Variants in CELSR1 observed in about 807,000 individuals in gnomAD.
CELSR1 encodes the protein cadherin EGF LAG seven-pass G-type receptor 1, also known as adhesion G protein-coupled receptor C1.
In CELSR1, 110 loss-of-function variants were observed where a neutral mutation model predicts 249.1. That is an observed-to-expected ratio of 0.44 (90% CI 0.38 to 0.52). The LOEUF (loss-of-function observed/expected upper bound fraction) is 0.52. CELSR1 is among the 20% of genes least tolerant of loss of function. The pLI is 0.00. For synonymous variants in CELSR1, 2,113 were observed against 1,900.0 expected, an observed-to-expected ratio of 1.11 and a Z score of -2.92; for missense variants, 4,109 against 4,296.4, an observed-to-expected ratio of 0.96 and a Z score of 1.22.
chr22:46,377,927 G>GCC (rs577266653), intron 23 of CELSR1, among the ~76,000 whole-genome samples: 2 of 152,224 alleles, frequency 1.3e-5, no homozygotes, highest in Non-Finnish European at 2.9e-5. Flanking sequence ...CCGGGGAGGG[G>GCC]CCGGGGGAGG....
intron 5 of CELSR1, among the ~76,000 whole-genome samples, chr22:46,426,995 T>C (rs1307656639): frequency 6.6e-6 from 1 of 152,194 alleles, no homozygotes; most frequent in African/African-American, 2.4e-5. Context: ...GATGTGAATG[T>C]GCAGAGCAGA....
In CELSR1 at chr22:46,537,018, C is replaced by T. The variant is rs1217086613; in HGVS notation, c.153G>A (p.Ala51=). 4.6e-5 allele frequency: 51 copies of T among 1,105,794 alleles called. No homozygotes were observed. Among genetic ancestry groups the T allele is most frequent in the Non-Finnish European group, 5.4e-5 (49 of 908,640 alleles). The allele number at this position is 1,105,794 out of a possible 1,614,324, so 68.5% of individuals were successfully genotyped here. The change falls in exon 1 of 35, where the codon GCG becomes GCA. Residue 51 remains alanine (A), a synonymous_variant. Transcript: ENST00000674500. The surrounding 1 kb of genome is among the most constrained non-coding windows in gnomAD (Gnocchi z 5.8). ...CCCGGGGCGTGCAAGCGGCGCCCAC[C>T]GCGTAGGTACAGCCGGGCCGGAGGG... ...AFALRPGCTY[A]VGAACTPRAP... is the part of the protein sequence containing the mutation.
In CELSR1 at chr22:46,410,216, G is replaced by A. The variant is rs1032271757; in HGVS notation, c.4933+182C>T. 1.3e-5 allele frequency among the ~76,000 whole-genome samples: 2 copies of A among 152,230 alleles called. No individual in the cohort carries two copies. The highest frequency in any genetic ancestry group is 4.8e-5 in the African/African-American group (2 of 41,464). ...CCCAAACTGCAGATGCAGGAACTGC[G>A]GAGATGCACATCTCCAGCCTGGACT... On this transcript the variant is annotated intron_variant, in intron 7 of 34. Transcript: ENST00000674500. The surrounding 1 kb of genome is among the most constrained non-coding windows in gnomAD (Gnocchi z 6.8).
chr22:46,491,547 G>A (rs1196430776), intron 1 of CELSR1, among the ~76,000 whole-genome samples: 1 of 151,646 alleles, frequency 6.6e-6, no homozygotes, highest in Non-Finnish European at 1.5e-5. Context: ...ACAGGTGTGA[G>A]CCACCACGCC....
chr22:46,481,784 C>CT (rs112110956), intron 1 of CELSR1: 11,907 of 278,010 alleles, frequency 0.043, 35 homozygotes, highest in South Asian at 0.055. Flanking sequence ...TTTTCTAAAT[C>CT]TTTTTTTTTT....
chr22:46,526,486 T>C lies in CELSR1; in HGVS notation c.3544+7141A>G, dbSNP rs143257038. 9.2e-5 allele frequency among the ~76,000 whole-genome samples: 14 copies of C among 152,290 alleles called. No homozygotes were observed. Among genetic ancestry groups the C allele is most frequent in the Non-Finnish European group, 1.9e-4 (13 of 68,028 alleles). ...CACTCATGCCAGCAACCTTGTCATT[T>C]GCTTCTCAGAGGCACCCCCAAACCA... On this transcript the variant is annotated intron_variant, in intron 1 of 34. Transcript: ENST00000674500. This position sits in a 1 kb window ranked among gnomAD's most constrained non-coding sequence, Gnocchi z 4.7.
rs996478970 is a variant in CELSR1 at position 46,471,052 on chromosome 22, G to A, written c.3545-6707C>T. Among the ~76,000 whole-genome samples the A allele has an allele frequency of 2.0e-5, 3 of 152,038 alleles. No homozygotes were observed. Among genetic ancestry groups the A allele is most frequent in the Non-Finnish European group, 4.4e-5 (3 of 68,018 alleles). The stretch of plus-strand genomic sequence containing the variant: ...AGGCAGGAGAATCGCTTGAACCTGG[G>A]AGTCGGAGGTTGCAGTGAGCCAAGA... On this transcript the variant is annotated intron_variant, in intron 1 of 34. Coordinates refer to ENST00000674500, the MANE Select transcript of CELSR1 (RefSeq NM_001378328.1). This position sits in a 1 kb window ranked among gnomAD's most constrained non-coding sequence, Gnocchi z 4.9.
intron 1 of CELSR1, among the ~76,000 whole-genome samples, chr22:46,491,633 CTCTCTT>C (rs2080368116): frequency 1.9e-5 from 1 of 53,854 alleles, no homozygotes. Flanking sequence ...TATTCTCTCT[CTCTCTT>C]TTTTTTTTTT....
Position 46,369,259 on chromosome 22 carries a change from C to G in CELSR1, c.7873-1G>C. ...ATAGGACAGAAGTGACTGTGTTGAT[C>G]TGAAAACAAAACAAGCCGATCAATG... is the stretch of plus-strand genomic sequence containing the variant. On this transcript the variant is annotated splice_acceptor_variant, in intron 26 of 34. Coordinates refer to ENST00000674500, the MANE Select transcript of CELSR1 (RefSeq NM_001378328.1). LOFTEE classifies it high-confidence loss of function. 6.3e-7 allele frequency: 1 copy of G among 1,578,570 alleles called. No individual in the cohort carries two copies. Among genetic ancestry groups the G allele is most frequent in the Non-Finnish European group, 8.6e-7 (1 of 1,163,950 alleles).
rs1370877410 is a variant in CELSR1, at chr22:46,490,556, A to C, written c.3545-26211T>G. Among the ~76,000 whole-genome samples the C allele has an allele frequency of 6.6e-6, 1 of 151,996 alleles. No homozygotes were observed. The highest frequency in any genetic ancestry group is 1.5e-5 in the Non-Finnish European group (1 of 68,004). On this transcript the variant is annotated intron_variant, in intron 1 of 34. Coordinates refer to ENST00000674500, the MANE Select transcript of CELSR1 (RefSeq NM_001378328.1). The surrounding 1 kb of genome is among the most constrained non-coding windows in gnomAD (Gnocchi z 5.2). ...CCCCCCTCCGCCTCCCAAAATGTTGAGATCAGCCAACCGAAACCCACTTTT... is the reference window on the plus strand; with the variant it reads ...CCCCCCTCCGCCTCCCAAAATGTTGCGATCAGCCAACCGAAACCCACTTTT...
chr22:46,459,100 G>A (rs571892990), intron 2 of CELSR1, among the ~76,000 whole-genome samples: 72 of 152,268 alleles, frequency 4.7e-4, no homozygotes, highest in African/African-American at 1.7e-3. Context: ...GTGTTGGCCA[G>A]GATGGTCTCA....
intron 1 of CELSR1, among the ~76,000 whole-genome samples, chr22:46,466,921 C>T (rs1358793414): frequency 6.6e-6 from 1 of 152,150 alleles, no homozygotes; most frequent in African/African-American, 2.4e-5. Context: ...GAGCTCTCCT[C>T]TCCTCCGCAT....
At position 46,445,775 on chromosome 22, in the gene CELSR1, G is replaced by A. The variant is rs377039776; in HGVS notation, c.4184-6364C>T. Among the ~76,000 whole-genome samples, 4 of 152,244 alleles carry A rather than the reference G, an allele frequency of 2.6e-5. No individual in the cohort carries two copies. The highest frequency in any genetic ancestry group is 2.1e-4 in the South Asian group (1 of 4,804). On this transcript the variant is annotated intron_variant, in intron 2 of 34. Coordinates refer to ENST00000674500, the MANE Select transcript of CELSR1 (RefSeq NM_001378328.1). This position sits in a 1 kb window ranked among gnomAD's most constrained non-coding sequence, Gnocchi z 4.4. ...CCTGGCTGGCAGAGCCTTTCCCGTC[G>A]ATGCTTCGGAGGTGGAAGCGTCCAG... is the stretch of plus-strand genomic sequence containing the variant.
intron 2 of CELSR1, among the ~76,000 whole-genome samples, chr22:46,456,174 G>A (rs2147541877): frequency 6.6e-6 from 1 of 152,382 alleles, no homozygotes; most frequent in Non-Finnish European, 1.5e-5. Flanking sequence ...TGGAAGTGAA[G>A]CTTTAATCCT....
chr22:46,458,709 T>TC (rs1389961567), intron 2 of CELSR1, among the ~76,000 whole-genome samples: 1 of 152,006 alleles, frequency 6.6e-6, no homozygotes, highest in Non-Finnish European at 1.5e-5. Context: ...TCACAAGAGA[T>TC]CCCCAAGTCG....
In CELSR1 at chr22:46,429,522, C is replaced by T. The variant is rs891811774; in HGVS notation, c.4611+3871G>A. ...CTTTGAAAAGACCGTCCTGGAAAAA[C>T]GTCCGACTCCAATGTACCCTTTGGT... is the stretch of plus-strand genomic sequence containing the variant. On this transcript the variant is annotated intron_variant, in intron 5 of 34. Coordinates refer to ENST00000674500, the MANE Select transcript of CELSR1 (RefSeq NM_001378328.1). The surrounding 1 kb of genome is among the most constrained non-coding windows in gnomAD (Gnocchi z 4.1). Among the ~76,000 whole-genome samples the T allele has an allele frequency of 6.6e-6, 1 of 152,240 alleles. No homozygotes were observed. The highest frequency in any genetic ancestry group is 2.4e-5 in the African/African-American group (1 of 41,466).
chr22:46,536,111 C>A lies in CELSR1; in HGVS notation c.1060G>T (p.Glu354Ter). 6.2e-7 allele frequency: 1 copy of A among 1,612,460 alleles called. No homozygotes were observed. The highest frequency in any genetic ancestry group is 8.5e-7 in the Non-Finnish European group (1 of 1,180,004). Residue 354 changes from glutamate (E) to a stop codon, truncating the protein, a stop_gained, in exon 1 of 35, where the codon GAG becomes TAG. Coordinates refer to ENST00000674500, the MANE Select transcript of CELSR1 (RefSeq NM_001378328.1). LOFTEE classifies it high-confidence loss of function. ...ACGCGCTCGCGGTACTCCGACTGCT[C>A]GAAGACCGGGCTGTGGTCGTTGGTG... ...KDTNDHSPVF[E>*]QSEYRERVRE...
rs1393285618 is a variant in CELSR1 at position 46,380,088 on chromosome 22, C to G, written c.7256+700G>C. Among the ~76,000 whole-genome samples, 1 of 152,226 alleles carries G rather than the reference C, an allele frequency of 6.6e-6. No individual in the cohort carries two copies. Among genetic ancestry groups the G allele is most frequent in the Non-Finnish European group, 1.5e-5 (1 of 68,042 alleles). ...AACCAAAGCACAAACACTACTGGCT[C>G]CCAGCAGACGGGAGCCACACTGTGG... On this transcript the variant is annotated intron_variant, in intron 22 of 34. Transcript: ENST00000674500. The surrounding 1 kb of genome is among the most constrained non-coding windows in gnomAD (Gnocchi z 5.1).
rs775836262 is a variant in CELSR1, at chr22:46,526,207, A to G, written c.3544+7420T>C. On this transcript the variant is annotated intron_variant, in intron 1 of 34. Coordinates refer to ENST00000674500, the MANE Select transcript of CELSR1 (RefSeq NM_001378328.1). This position sits in a 1 kb window ranked among gnomAD's most constrained non-coding sequence, Gnocchi z 4.7. ...ATTCCCTCCAGGTCTGATGACTCAGAGAGAGGCAGAAGTTACTGTCCTGGC... is the reference window on the plus strand; with the variant it reads ...ATTCCCTCCAGGTCTGATGACTCAGGGAGAGGCAGAAGTTACTGTCCTGGC... Among the ~76,000 whole-genome samples, 1 of 152,100 alleles carries G rather than the reference A, an allele frequency of 6.6e-6. No homozygotes were observed. The highest frequency in any genetic ancestry group is 1.5e-5 in the Non-Finnish European group (1 of 68,016).
Sources: allele counts gnomAD v4.1 joint callset (sites outside exome capture counted in the v4.1 genomes callset), GRCh38; gene constraint gnomAD v4.1.1; non-coding constraint Gnocchi (gnomAD v3.1); transcripts MANE v1.5; gene names NCBI Gene and HGNC (gene_info 2026-07-23, HGNC 2026-07-21).